AOPEP: variants seen among roughly 807,000 people sequenced by gnomAD.
AOPEP encodes aminopeptidase O (putative), also known as aminopeptidase O.
Under a neutral mutation model 98.1 loss-of-function variants are expected in AOPEP, and 77 were observed. The observed-to-expected ratio is 0.78, with a 90% CI of 0.65 to 0.95. The LOEUF (loss-of-function observed/expected upper bound fraction) is 0.95, where lower values mean the gene tolerates loss of function less well. AOPEP is among the 40% of genes least tolerant of loss of function. AOPEP has a pLI of 0.00. For synonymous variants in AOPEP, 346 were observed against 365.3 expected (o/e 0.95, Z 0.60); for missense variants, 1,024 against 1,024.7 (o/e 1.00, Z 0.01).
chr9:94,834,559 G>A (rs1260622667), intron 5 of AOPEP, among the ~76,000 whole-genome samples: 4 of 152,216 alleles, frequency 2.6e-5, no homozygotes, highest in Non-Finnish European at 5.9e-5. Flanking sequence ...TTGGGAGTCT[G>A]AGGCAGGTGA....
At chr9:94,751,888 CTTTTTTTTTTTT>C (rs80060505) in intron 1 of AOPEP, among the ~76,000 whole-genome samples, 2 of 104,552 alleles carry the variant, frequency 1.9e-5, no homozygotes, top group African/African-American at 7.7e-5. Context: ...CCCATGAAAA[CTTTTTTTTTTTT>C]TTTTTTTTTT....
the AOPEP span, among the ~76,000 whole-genome samples, chr9:95,138,192 G>A: frequency 2.0e-5 from 3 of 152,246 alleles, no homozygotes; most frequent in Non-Finnish European, 4.4e-5. Flanking sequence ...CTCGCAGCTG[G>A]TAACACTTGA....
At chr9:94,824,687 G>A (rs552941370) in intron 5 of AOPEP, 1 of 152,300 alleles carries the variant, frequency 6.6e-6, no homozygotes, top group African/African-American at 2.4e-5. Flanking sequence ...TGAAACTCCT[G>A]AGACCTGAAT....
At chr9:94,729,120 C>G (rs1282679967) in intron 1 of AOPEP, among the ~76,000 whole-genome samples, 1 of 152,114 alleles carries the variant, frequency 6.6e-6, no homozygotes, top group Non-Finnish European at 1.5e-5. Context: ...ATTTATTCAG[C>G]TTTTGTTGAG....
chr9:94,839,040 A>G (rs1408262612), intron 5 of AOPEP, among the ~76,000 whole-genome samples: 1 of 148,060 alleles, frequency 6.8e-6, no homozygotes, highest in African/African-American at 2.5e-5. Context: ...CCTCCCGAGT[A>G]GGTGGGACTA....
intron 5 of AOPEP, chr9:94,824,450 C>CT (rs1854010622): frequency 6.6e-6 from 1 of 152,194 alleles, no homozygotes; most frequent in African/African-American, 2.4e-5. Context: ...GGAATATTCT[C>CT]TAACTTTCAG....
At chr9:95,039,003 CT>C (rs1290649058) in intron 13 of AOPEP, among the ~76,000 whole-genome samples, 1 of 152,140 alleles carries the variant, frequency 6.6e-6, no homozygotes, top group Non-Finnish European at 1.5e-5. Flanking sequence ...ATACCAAGCA[CT>C]GTTTAGATTC....
intron 13 of AOPEP, among the ~76,000 whole-genome samples, chr9:95,034,195 G>GT (rs1411044399): frequency 6.6e-6 from 1 of 152,146 alleles, no homozygotes; most frequent in African/African-American, 2.4e-5. Context: ...TGATATTATT[G>GT]TTTTTTGCTT....
intron 5 of AOPEP, among the ~76,000 whole-genome samples, chr9:94,810,441 A>G (rs1441788951): frequency 6.6e-6 from 1 of 151,062 alleles, no homozygotes; most frequent in African/African-American, 2.4e-5. Flanking sequence ...CAGCCTCCCG[A>G]GTAGATGAGA....
At chr9:94,786,199 C>T (rs1844392439) in intron 3 of AOPEP, among the ~76,000 whole-genome samples, 1 of 152,158 alleles carries the variant, frequency 6.6e-6, no homozygotes, top group Admixed American at 6.5e-5. Context: ...AATTATTATG[C>T]CTAGTGATCA....
At chr9:94,743,600 A>G (rs891217632) in intron 1 of AOPEP, among the ~76,000 whole-genome samples, 4 of 152,216 alleles carry the variant, frequency 2.6e-5, no homozygotes, top group African/African-American at 7.2e-5. Flanking sequence ...GTTTTTTCCA[A>G]TAGGAAATCA....
At chr9:94,739,506 G>A (rs1001371854) in intron 1 of AOPEP, among the ~76,000 whole-genome samples, 10 of 151,986 alleles carry the variant, frequency 6.6e-5, no homozygotes, top group Non-Finnish European at 7.4e-5. Flanking sequence ...TTAGCCAGGC[G>A]TGGTGGCAGG....
rs777695268 is a variant in AOPEP, at chr9:94,760,006, G to C, written c.223G>C (p.Gly75Arg). 4 of 1,614,160 alleles carry C rather than the reference G, an allele frequency of 2.5e-6. No homozygotes were observed. Among genetic ancestry groups the C allele is most frequent in the Middle Eastern group, 1.6e-4 (1 of 6,062 alleles). Reference sequence around the variant, plus strand: ...AGAATCAAACAAAGCCTGCAAATTTGGGATGCCTGAACCCTGCCATATTCC... The same window carrying C: ...AGAATCAAACAAAGCCTGCAAATTTCGGATGCCTGAACCCTGCCATATTCC... The part of the protein sequence containing the change: ...QSESNKACKF[G>R]MPEPCHIPVT... Residue 75 changes from glycine to arginine, a missense_variant, in exon 2 of 17, where the codon GGG becomes CGG. Coordinates refer to ENST00000375315, the MANE Select transcript of AOPEP (RefSeq NM_001193329.3).
At chr9:94,741,816 C>T (rs1007882965) in intron 1 of AOPEP, among the ~76,000 whole-genome samples, 1 of 152,196 alleles carries the variant, frequency 6.6e-6, no homozygotes, top group African/African-American at 2.4e-5. Context: ...CACAGTCATT[C>T]TGAGACCCAG....
intron 1 of AOPEP, among the ~76,000 whole-genome samples, chr9:94,756,392 C>G (rs989293304): frequency 6.6e-6 from 1 of 151,400 alleles, no homozygotes; most frequent in Non-Finnish European, 1.5e-5. Context: ...GGCAAGACCT[C>G]GTCTCTACAA....
the AOPEP span, among the ~76,000 whole-genome samples, chr9:95,109,203 C>T: frequency 5.5e-3 from 838 of 152,314 alleles, 9 homozygotes; most frequent in African/African-American, 0.019. Context: ...TGAACCACCA[C>T]ACCCGTCCAA....
At chr9:95,056,505 T>G (rs1354272298) in intron 13 of AOPEP, 1 of 152,300 alleles carries the variant, frequency 6.6e-6, no homozygotes, top group African/African-American at 2.4e-5. Flanking sequence ...GAACCTCAGT[T>G]GCGTGGGTGG....
rs1189759614 is a variant in AOPEP, at chr9:94,943,791, G to A, written c.1662-11386G>A. Among the ~76,000 whole-genome samples the A allele has an allele frequency of 6.6e-5, 10 of 150,406 alleles. No individual in the cohort carries two copies. The East Asian group carries it at 7.9e-4, about 12-fold the overall frequency. On this transcript the variant is annotated intron_variant, in intron 7 of 16. Transcript: ENST00000375315. ...AACAATTAGCAGGGTGTGGTGGCAC[G>A]CACCTGTAATCCCAGCTACTCGGGA...
Position 94,759,721 on chromosome 9 carries a change from A to C in AOPEP, c.-63A>C, listed in dbSNP as rs766050821. On this transcript the variant is annotated 5_prime_UTR_variant, in exon 2 of 17. Coordinates refer to ENST00000375315, the MANE Select transcript of AOPEP (RefSeq NM_001193329.3). ...AAGCAGCTATTTATGATTCTGGAAGATTAAGGCAGATAGGAAACCCCATCT... is the reference window on the plus strand; with the variant it reads ...AAGCAGCTATTTATGATTCTGGAAGCTTAAGGCAGATAGGAAACCCCATCT... The C allele has an allele frequency of 9.2e-6, 12 of 1,302,674 alleles. No individual in the cohort carries two copies. Among genetic ancestry groups the C allele is most frequent in the Non-Finnish European group, 1.1e-5 (10 of 936,170 alleles). The allele number at this position is 1,302,674 out of a possible 1,614,324, so 80.7% of individuals were successfully genotyped here. A position where few individuals can be genotyped will look rare whatever the true frequency, so the allele number is the denominator to read the frequency against.
Sources: allele counts gnomAD v4.1 joint callset (sites outside exome capture counted in the v4.1 genomes callset), GRCh38; gene constraint gnomAD v4.1.1; transcripts MANE v1.5; gene names NCBI Gene and HGNC (gene_info 2026-07-23, HGNC 2026-07-21).